The following RAD51B variants were observed in gnomAD, a reference collection of about 807,000 sequenced individuals.
RAD51B encodes DNA repair protein RAD51 homolog 2.
Under a neutral mutation model 42.2 loss-of-function variants are expected in RAD51B, and 38 were observed. The observed-to-expected ratio is 0.90, with a 90% CI of 0.70 to 1.18. The LOEUF (loss-of-function observed/expected upper bound fraction) is 1.18, where lower values mean the gene tolerates loss of function less well. RAD51B is among the 50% of genes most tolerant of loss of function. The pLI, the probability that RAD51B is intolerant of heterozygous loss-of-function variation, is 0.00. For missense variants in RAD51B, 373 were observed against 400.7 expected (o/e 0.93, Z 0.59); for synonymous variants, 154 against 145.2 (o/e 1.06, Z -0.43).
intron 9 of RAD51B, among the ~76,000 whole-genome samples, chr14:68,456,337 C>A (rs1202138156): frequency 6.6e-6 from 1 of 152,030 alleles, no homozygotes; most frequent in African/African-American, 2.4e-5. Flanking sequence ...TATATGCTGT[C>A]TACAGGAGAC....
At chr14:68,630,964 GT>G (rs1459319350) in intron 10 of RAD51B, among the ~76,000 whole-genome samples, 1 of 152,202 alleles carries the variant, frequency 6.6e-6, no homozygotes, top group Non-Finnish European at 1.5e-5. Context: ...ATAATAATAA[GT>G]GGAAATGGAA....
intron 8 of RAD51B, among the ~76,000 whole-genome samples, chr14:68,314,637 G>A (rs1416396638): frequency 1.3e-5 from 2 of 152,194 alleles, no homozygotes; most frequent in Non-Finnish European, 2.9e-5. Context: ...TCACACCAAA[G>A]TGGATGGATC....
chr14:68,594,657 G>T, exon 11 of RAD51B: 1 of 1,275,750 alleles, frequency 7.8e-7, no homozygotes, highest in East Asian at 4.0e-5. Context: ...TCAAACTCCT[G>T]GCTTCAAGAG....
In RAD51B at chr14:68,316,703, G is replaced by A. The variant is rs73272255; in HGVS notation, c.853+24723G>A. ...CTGCCTGAACACTCCCGCCAGAGTGGACGCACCTCTTGGCTAATGAGGAAC... is the reference window on the plus strand; with the variant it reads ...CTGCCTGAACACTCCCGCCAGAGTGAACGCACCTCTTGGCTAATGAGGAAC... On this transcript the variant is annotated intron_variant, in intron 8 of 10. Transcript: ENST00000471583. Among the ~76,000 whole-genome samples the A allele has an allele frequency of 7.9e-3, 1,208 of 152,276 alleles. 14 individuals carry two copies. The highest frequency in any genetic ancestry group is 0.028 in the African/African-American group (1,171 of 41,548).
chr14:68,554,397 T>C (rs1303646567), intron 10 of RAD51B, among the ~76,000 whole-genome samples: 1 of 152,196 alleles, frequency 6.6e-6, no homozygotes, highest in Middle Eastern at 3.2e-3. Context: ...CTTGCTGTTC[T>C]CTGAACAGAC....
chr14:68,504,768 T>C (rs1885188550), intron 10 of RAD51B, among the ~76,000 whole-genome samples: 1 of 148,606 alleles, frequency 6.7e-6, no homozygotes, highest in South Asian at 2.2e-4. Context: ...TTAATGGCTC[T>C]CCATTGCCAA....
intron 10 of RAD51B, among the ~76,000 whole-genome samples, chr14:68,504,513 C>G (rs988668364): frequency 6.6e-6 from 1 of 152,158 alleles, no homozygotes; most frequent in Non-Finnish European, 1.5e-5. Flanking sequence ...ATCATGAAGA[C>G]TGGAGAAATG....
intron 8 of RAD51B, among the ~76,000 whole-genome samples, chr14:68,378,871 C>T (rs1465897278): frequency 6.6e-6 from 1 of 152,124 alleles, no homozygotes; most frequent in Non-Finnish European, 1.5e-5. Flanking sequence ...TCTTGATTTT[C>T]ACTGCAGTCT....
At chr14:68,631,495 G>A (rs1377812341) in intron 10 of RAD51B, among the ~76,000 whole-genome samples, 7 of 152,116 alleles carry the variant, frequency 4.6e-5, no homozygotes, top group Non-Finnish European at 1.0e-4. Flanking sequence ...CGGAAGCCGG[G>A]GACAGGCCTT....
chr14:68,409,621 G>A (rs1187747230), intron 8 of RAD51B, among the ~76,000 whole-genome samples: 2 of 152,184 alleles, frequency 1.3e-5, no homozygotes, highest in African/African-American at 4.8e-5. Flanking sequence ...CTGCTGACAA[G>A]AGGTCAAGGA....
At chr14:68,612,666 C>T (rs1891721160), downstream of RAD51B, among the ~76,000 whole-genome samples, 1 of 151,938 alleles carries the variant, frequency 6.6e-6, no homozygotes, top group African/African-American at 2.4e-5. Flanking sequence ...TTCTGTTTTT[C>T]AAGATGAAGA....
At chr14:68,421,297 G>C (rs955754087) in intron 9 of RAD51B, among the ~76,000 whole-genome samples, 2 of 152,056 alleles carry the variant, frequency 1.3e-5, no homozygotes, top group Non-Finnish European at 2.9e-5. Context: ...GTTGCTGGGG[G>C]AGTATCCCTG....
intron 10 of RAD51B, among the ~76,000 whole-genome samples, chr14:68,521,186 G>A (rs937102498): frequency 1.3e-5 from 2 of 152,200 alleles, no homozygotes; most frequent in Non-Finnish European, 2.9e-5. Context: ...CAGAGCTCAC[G>A]AAGGAGGCAC....
At chr14:68,417,812 G>C (rs1204752849) in intron 9 of RAD51B, among the ~76,000 whole-genome samples, 1 of 152,186 alleles carries the variant, frequency 6.6e-6, no homozygotes. Context: ...TTTGAAAAAA[G>C]TCAATATATC....
chr14:68,428,729 A>AATTAT (rs369519904), intron 9 of RAD51B, among the ~76,000 whole-genome samples: 1 of 8,028 alleles, frequency 1.2e-4, no homozygotes, highest in Admixed American at 1.8e-3. Context: ...ATATATATAT[A>AATTAT]TATATATATA....
intron 7 of RAD51B, among the ~76,000 whole-genome samples, chr14:68,212,686 TGAA>T (rs2079735724): frequency 1.3e-5 from 2 of 152,128 alleles, no homozygotes; most frequent in Non-Finnish European, 2.9e-5. Context: ...AGAAATGGAG[TGAA>T]GAAGAAGACA....
chr14:68,348,179 T>G (rs1433799865), intron 8 of RAD51B, among the ~76,000 whole-genome samples: 1 of 152,242 alleles, frequency 6.6e-6, no homozygotes, highest in East Asian at 1.9e-4. Context: ...ATATGTCTTC[T>G]GTGACAAGCT....
chr14:68,535,165 AG>A (rs1887543949), intron 10 of RAD51B, among the ~76,000 whole-genome samples: 1 of 152,222 alleles, frequency 6.6e-6, no homozygotes, highest in Non-Finnish European at 1.5e-5. Flanking sequence ...ATCTCAAAGT[AG>A]AAGCCCAGGT....
chr14:68,665,376 T>C (rs1358445403), intron 11 of RAD51B, among the ~76,000 whole-genome samples: 1 of 152,280 alleles, frequency 6.6e-6, no homozygotes, highest in African/African-American at 2.4e-5. Context: ...CTTCATCTTA[T>C]GATTTATGGT....
Sources: allele counts gnomAD v4.1 joint callset (sites outside exome capture counted in the v4.1 genomes callset), GRCh38; gene constraint gnomAD v4.1.1; transcripts MANE v1.5; gene names NCBI Gene and HGNC (gene_info 2026-07-23, HGNC 2026-07-21).